Variants in CDIN1 observed in about 807,000 individuals in gnomAD.
The protein encoded by CDIN1 is CDAN1-interacting nuclease 1.
A neutral mutation model predicts 45.3 loss-of-function variants in CDIN1; 33 were observed. The ratio of observed to expected loss-of-function variants is 0.73; its 90% confidence interval spans 0.55 to 0.97. CDIN1 has a LOEUF of 0.97. Among genes scored for constraint, CDIN1 ranks in the 50% least tolerant of loss-of-function variants. The pLI, the probability that CDIN1 is intolerant of heterozygous loss-of-function variation, is 0.00. For synonymous variants in CDIN1, 118 were observed against 124.4 expected (o/e 0.95, Z 0.34); for missense variants, 303 against 339.4 (o/e 0.89, Z 0.84).
At chr15:36,619,647 C>T (rs1477208165) in intron 1 of CDIN1, among the ~76,000 whole-genome samples, 2 of 151,100 alleles carry the variant, frequency 1.3e-5, no homozygotes, top group South Asian at 2.1e-4. Flanking sequence ...AAAAAAACAA[C>T]ATTATACATC....
intron 10 of CDIN1, among the ~76,000 whole-genome samples, chr15:36,773,269 G>T (rs913370566): frequency 3.3e-5 from 5 of 152,152 alleles, no homozygotes; most frequent in Admixed American, 2.0e-4. Context: ...GGTGGATGGG[G>T]CAGTACATCC....
intron 10 of CDIN1, among the ~76,000 whole-genome samples, chr15:36,802,959 A>G (rs1300180065): frequency 6.6e-6 from 1 of 152,054 alleles, no homozygotes; most frequent in Non-Finnish European, 1.5e-5. Context: ...TTAAAACTGA[A>G]CAAAATGTAA....
chr15:36,611,063 G>A (rs1418975020), intron 1 of CDIN1, among the ~76,000 whole-genome samples: 2 of 152,162 alleles, frequency 1.3e-5, no homozygotes, highest in Non-Finnish European at 2.9e-5. Flanking sequence ...CAAATTATCT[G>A]CATAACATTC....
intron 1 of CDIN1, among the ~76,000 whole-genome samples, chr15:36,640,982 C>G (rs1192005496): frequency 6.6e-6 from 1 of 152,184 alleles, no homozygotes; most frequent in Non-Finnish European, 1.5e-5. Context: ...AGTTTAGGAT[C>G]TCTAGGCACG....
At chr15:36,775,936 C>G (rs959231130) in intron 10 of CDIN1, among the ~76,000 whole-genome samples, 11 of 152,126 alleles carry the variant, frequency 7.2e-5, no homozygotes, top group African/African-American at 2.7e-4. Context: ...TAGATTAGAA[C>G]TATTCTAGTA....
At chr15:36,635,692 T>C (rs1394536755) in intron 1 of CDIN1, among the ~76,000 whole-genome samples, 2 of 152,154 alleles carry the variant, frequency 1.3e-5, no homozygotes, top group Non-Finnish European at 2.9e-5. Context: ...CCAAACAGAA[T>C]TACTAGAATT....
intron 5 of CDIN1, among the ~76,000 whole-genome samples, chr15:36,680,519 CAA>C (rs1340834873): frequency 6.6e-6 from 1 of 151,992 alleles, no homozygotes; most frequent in Non-Finnish European, 1.5e-5. Context: ...CAGGTATAAA[CAA>C]GAGAAGTAAA....
intron 10 of CDIN1, among the ~76,000 whole-genome samples, chr15:36,735,437 A>T (rs1299660550): frequency 6.6e-6 from 1 of 152,092 alleles, no homozygotes; most frequent in Non-Finnish European, 1.5e-5. Context: ...TCATTCTATC[A>T]TATCAGTTAT....
At chr15:36,657,644 T>C (rs1367159573) in intron 4 of CDIN1, among the ~76,000 whole-genome samples, 189 bp from the exon 5 acceptor site, 2 of 152,134 alleles carry the variant, frequency 1.3e-5, no homozygotes, top group Admixed American at 6.5e-5. Context: ...TTTATTCTTT[T>C]CAACAGCCCA....
chr15:36,608,516 T>C (rs1010424727), intron 1 of CDIN1, among the ~76,000 whole-genome samples: 5 of 152,208 alleles, frequency 3.3e-5, no homozygotes, highest in Admixed American at 1.3e-4. Context: ...TCTAATTGGT[T>C]TGTCATTTTA....
At chr15:36,677,571 T>C (rs189269525) in intron 5 of CDIN1, among the ~76,000 whole-genome samples, 2 of 152,270 alleles carry the variant, frequency 1.3e-5, no homozygotes, top group African/African-American at 4.8e-5. Context: ...GACACCTTTT[T>C]AATGTGGCAT....
At chr15:36,633,657 G>A (rs2039774483) in intron 1 of CDIN1, among the ~76,000 whole-genome samples, 1 of 151,926 alleles carries the variant, frequency 6.6e-6, no homozygotes, top group Non-Finnish European at 1.5e-5. Flanking sequence ...CCTACCGGAA[G>A]ACTCTGTTGT....
rs79703796 is a variant in CDIN1 at position 36,592,816 on chromosome 15, T to C, written c.101+12855T>C. ...TTAGAAAAGTGAATCCTTTTTAAAA[T>C]TGATTAATTAGCTAAGTTTAGGGAC... On this transcript the variant is annotated intron_variant, in intron 1 of 10. Transcript: ENST00000566621. 7.3e-3 allele frequency among the ~76,000 whole-genome samples: 1,112 copies of C among 152,254 alleles called. 23 individuals carry two copies. The highest frequency in any genetic ancestry group is 0.025 in the African/African-American group (1,043 of 41,532).
chr15:36,646,439 A>G (rs960870952), intron 3 of CDIN1, among the ~76,000 whole-genome samples: 1 of 152,074 alleles, frequency 6.6e-6, no homozygotes, highest in Non-Finnish European at 1.5e-5. Context: ...ACAGACACAT[A>G]CACACACACA....
Position 36,644,313 on chromosome 15 carries a change from A to T in CDIN1, c.137A>T (p.Gln46Leu). 1 of 1,613,578 alleles carries T rather than the reference A, an allele frequency of 6.2e-7. No homozygotes were observed. The highest frequency in any genetic ancestry group is 8.5e-7 in the Non-Finnish European group (1 of 1,179,676). Residue 46 changes from glutamine to leucine, a missense_variant, in exon 2 of 11, where the codon CAG becomes CTG. By Grantham distance (113) the Gln-to-Leu change is moderately radical. Transcript: ENST00000566621. ...SQATLLSIFSQEYQKHIKRTH... is the reference protein window; with the variant it reads ...SQATLLSIFSLEYQKHIKRTH... ...GCCACTCTGCTGAGCATCTTCTCCC[A>T]GGAGTACCAGGTTAGAAGTTTTCTC...
chr15:36,580,067 A>G, intron 1 of CDIN1, 106 bp downstream of exon 1: 1 of 959,166 alleles, frequency 1.0e-6, no homozygotes, highest in East Asian at 2.6e-5. Context: ...GTGGGGAGGA[A>G]CACCAGTGTC....
intron 10 of CDIN1, among the ~76,000 whole-genome samples, chr15:36,760,398 A>C (rs1382942074): frequency 1.3e-5 from 2 of 152,212 alleles, no homozygotes; most frequent in Non-Finnish European, 2.9e-5. Flanking sequence ...ATTCAACTAA[A>C]AGAACTGTTT....
intron 10 of CDIN1, among the ~76,000 whole-genome samples, chr15:36,736,487 G>A (rs1057015409): frequency 2.0e-5 from 3 of 152,090 alleles, no homozygotes; most frequent in Admixed American, 2.0e-4. Context: ...ATGTGTCTAC[G>A]AGATGCTGCT....
intron 10 of CDIN1, among the ~76,000 whole-genome samples, chr15:36,805,390 ACT>A (rs2055194374): frequency 6.6e-6 from 1 of 151,240 alleles, no homozygotes; most frequent in Admixed American, 6.6e-5. Flanking sequence ...AGACCCAAGG[ACT>A]CTCTTTTCTT....
Sources: gnomAD v4.1 joint callset for allele counts (sites outside exome capture counted in the v4.1 genomes callset) on GRCh38, gnomAD v4.1.1 for gene constraint, MANE v1.5 for transcripts, NCBI Gene and HGNC (gene_info 2026-07-23, HGNC 2026-07-21) for gene names.